Variants in AK5 observed in about 807,000 individuals in gnomAD.
AK5 encodes adenylate kinase isoenzyme 5.
AK5 carries 27 observed loss-of-function variants against 69.5 expected under a neutral mutation model. The observed-to-expected ratio is 0.39, with a 90% CI of 0.29 to 0.54. The LOEUF is 0.54. Among genes scored for constraint, AK5 ranks in the 20% least tolerant of loss-of-function variants. AK5 has a pLI of 0.71. For synonymous variants in AK5, 260 were observed against 244.4 expected (o/e 1.06, Z -0.60); for missense variants, 531 against 700.4 (o/e 0.76, Z 2.73).
chr1:77,429,113 A>G (rs934303024), intron 8 of AK5, among the ~76,000 whole-genome samples: 6 of 152,320 alleles, frequency 3.9e-5, no homozygotes, highest in African/African-American at 1.4e-4. Flanking sequence ...TTGGGTATAT[A>G]CCCAGTAATG....
intron 13 of AK5, among the ~76,000 whole-genome samples, chr1:77,548,797 T>C (rs1307300195): frequency 1.3e-5 from 2 of 152,180 alleles, no homozygotes; most frequent in Non-Finnish European, 2.9e-5. Context: ...TATGTTCTGT[T>C]GACTGTTGGG....
intron 6 of AK5, among the ~76,000 whole-genome samples, chr1:77,368,254 A>T (rs1359403886): frequency 5.2e-4 from 19 of 36,590 alleles, no homozygotes; most frequent in South Asian, 1.8e-3. Flanking sequence ...TATATATATA[A>T]TATATATGTT....
chr1:77,484,022 A>G (rs902106707), intron 9 of AK5, among the ~76,000 whole-genome samples: 1 of 152,220 alleles, frequency 6.6e-6, no homozygotes, highest in East Asian at 1.9e-4. Context: ...AAATTTAGAA[A>G]GGCATGGTGG....
At chr1:77,430,104 A>G (rs1010345507) in intron 8 of AK5, among the ~76,000 whole-genome samples, 6 of 150,864 alleles carry the variant, frequency 4.0e-5, no homozygotes, top group African/African-American at 9.7e-5. Context: ...TGGAAAACAC[A>G]TTGGAGAAAA....
chr1:77,518,882 G>T (rs1043165695), intron 11 of AK5, among the ~76,000 whole-genome samples, 155 bp downstream of exon 11: 3 of 152,116 alleles, frequency 2.0e-5, no homozygotes, highest in African/African-American at 7.2e-5. Flanking sequence ...ATGCAGGCAG[G>T]TCTACAGCAG....
intron 8 of AK5, among the ~76,000 whole-genome samples, chr1:77,453,208 T>C (rs1218234926): frequency 6.6e-6 from 1 of 152,222 alleles, no homozygotes; most frequent in Non-Finnish European, 1.5e-5. Context: ...GGTATATCTG[T>C]AGAATGTGAG....
In AK5 at chr1:77,297,821, CTG is replaced by C. The variant is rs1218123881; in HGVS notation, c.586-11_586-10del. The C allele has an allele frequency of 2.8e-5, 45 of 1,604,744 alleles. No individual in the cohort carries two copies. Among genetic ancestry groups the C allele is most frequent in the Non-Finnish European group, 3.4e-5 (40 of 1,175,368 alleles). ...CTGTGGGGTTTTTTTGTCATCCTTT[CTG>C]TTTATAAAAGGAAACAACAATTACA... is the stretch of plus-strand genomic sequence containing the variant. On this transcript the variant is annotated splice_polypyrimidine_tract_variant and intron_variant, in intron 4 of 13. Transcript: ENST00000354567.
intron 6 of AK5, among the ~76,000 whole-genome samples, chr1:77,406,639 G>T (rs1230425430): frequency 6.6e-6 from 1 of 150,422 alleles, no homozygotes; most frequent in Admixed American, 6.7e-5. Flanking sequence ...GATGGAAAGT[G>T]TCAGTCATCC....
intron 6 of AK5, among the ~76,000 whole-genome samples, chr1:77,365,373 C>T (rs909281690): frequency 1.3e-5 from 2 of 152,174 alleles, no homozygotes; most frequent in African/African-American, 4.8e-5. Context: ...TGCAGTGGCA[C>T]GATCCTAGCT....
At chr1:77,506,120 G>A (rs891697581) in intron 10 of AK5, among the ~76,000 whole-genome samples, 1 of 152,174 alleles carries the variant, frequency 6.6e-6, no homozygotes, top group South Asian at 2.1e-4. Flanking sequence ...TTGAAAAGCA[G>A]CTCTGGTCTG....
chr1:77,536,031 T>C lies in AK5; in HGVS notation c.1613T>C (p.Leu538Pro), dbSNP rs1658944448. The C allele has an allele frequency of 6.2e-7, 1 of 1,609,418 alleles. No individual in the cohort carries two copies. Among genetic ancestry groups the C allele is most frequent in the Non-Finnish European group, 8.5e-7 (1 of 1,178,832 alleles). ...GCCTACTACGAGACAAAAACACAGC[T>C]ACACAAGGCGAGTCACTTCACTTTC... ...VIAYYETKTQ[L>P]HKINAEGTPE... The change falls in exon 13 of 14, where the codon CTA (leucine) becomes CCA (proline). Residue 538 changes from leucine (L) to proline (P), a missense_variant. Coordinates refer to ENST00000354567, the MANE Select transcript of AK5 (RefSeq NM_174858.3).
intron 5 of AK5, among the ~76,000 whole-genome samples, chr1:77,330,475 C>A (rs1661032248): frequency 6.6e-6 from 1 of 152,090 alleles, no homozygotes; most frequent in Admixed American, 6.5e-5. Context: ...CCACTTTACC[C>A]AGTACCATTT....
chr1:77,330,655 C>T lies in AK5; in HGVS notation c.700-9722C>T, dbSNP rs138414036. 6.5e-3 allele frequency among the ~76,000 whole-genome samples: 990 copies of T among 152,278 alleles called. 10 individuals are homozygous for T. The highest frequency in any genetic ancestry group is 0.01 in the Admixed American group (156 of 15,296). ...ACTATCTATTGCTTTATTCTTTTTC[C>T]TCAAGATTGGCTTGAAGATCACCTT... On this transcript the variant is annotated intron_variant, in intron 5 of 13. Coordinates refer to ENST00000354567, the MANE Select transcript of AK5 (RefSeq NM_174858.3).
intron 6 of AK5, among the ~76,000 whole-genome samples, chr1:77,404,996 C>T (rs1649523566): frequency 6.6e-6 from 1 of 152,270 alleles, no homozygotes; most frequent in Non-Finnish European, 1.5e-5. Flanking sequence ...CCTAGAAAGT[C>T]TCAACGTTTC....
At chr1:77,372,608 CAAG>C (rs771850899) in intron 6 of AK5, among the ~76,000 whole-genome samples, 1 of 152,066 alleles carries the variant, frequency 6.6e-6, no homozygotes, top group Non-Finnish European at 1.5e-5. Context: ...TTTCTTTGAT[CAAG>C]AAGAAGTATC....
At chr1:77,390,957 T>A (rs1648384042) in intron 6 of AK5, among the ~76,000 whole-genome samples, 1 of 152,232 alleles carries the variant, frequency 6.6e-6, no homozygotes, top group Admixed American at 6.5e-5. Context: ...TTAGCCATTA[T>A]TTATTTACTT....
chr1:77,393,265 A>C (rs1187138388), intron 6 of AK5, among the ~76,000 whole-genome samples: 1 of 152,174 alleles, frequency 6.6e-6, no homozygotes, highest in Admixed American at 6.5e-5. Flanking sequence ...GTCAGGGCAT[A>C]ATTTTTGTAA....
Position 77,293,780 on chromosome 1 carries a change from T to C in AK5, c.248-13T>C, listed in dbSNP as rs765321361. 1 of 1,583,284 alleles carries C rather than the reference T, an allele frequency of 6.3e-7. No individual in the cohort carries two copies. Among genetic ancestry groups the C allele is most frequent in the South Asian group, 1.2e-5 (1 of 85,590 alleles). On this transcript the variant is annotated splice_polypyrimidine_tract_variant and intron_variant, in intron 2 of 13. Transcript: ENST00000354567. ...TGTTTTTTCCTTTTCAAAGTTATCTTACTCTTTTGCAGTAATGCCTGAAAA... is the reference window on the plus strand; with the variant it reads ...TGTTTTTTCCTTTTCAAAGTTATCTCACTCTTTTGCAGTAATGCCTGAAAA...
chr1:77,461,190 C>T (rs1387934486), intron 8 of AK5, among the ~76,000 whole-genome samples: 4 of 151,540 alleles, frequency 2.6e-5, no homozygotes, highest in Admixed American at 6.6e-5. Context: ...CCCACCACCG[C>T]GCCTGGCTAA....
Sources: allele counts gnomAD v4.1 joint callset (sites outside exome capture counted in the v4.1 genomes callset), GRCh38; gene constraint gnomAD v4.1.1; transcripts MANE v1.5; gene names NCBI Gene and HGNC (gene_info 2026-07-23, HGNC 2026-07-21).